DOCK7: variants seen among roughly 807,000 people sequenced by gnomAD.
DOCK7 encodes dedicator of cytokinesis 7, also known as dedicator of cytokinesis protein 7.
DOCK7 carries 138 observed loss-of-function variants against 271.0 expected under a neutral mutation model. The observed-to-expected ratio is 0.51, with a 90% CI of 0.44 to 0.59. DOCK7 has a LOEUF of 0.59. DOCK7 is among the 20% of genes least tolerant of loss of function. The probability of loss-of-function intolerance (pLI) is 0.00; values close to 1 mark genes in which losing one functional copy is unlikely to be tolerated. For missense variants in DOCK7, 2,066 were observed against 2,592.4 expected (o/e 0.80, Z 4.41); for synonymous variants, 823 against 876.1 (o/e 0.94, Z 1.07).
intron 48 of DOCK7, chr1:62,458,560 TCTCA>T (rs1645419573): frequency 1.4e-5 from 2 of 142,138 alleles, no homozygotes; most frequent in East Asian, 2.1e-4. Flanking sequence ...TGAGATGGAG[TCTCA>T]CTCTGTAGCG....
chr1:62,621,141 G>A (rs892557458), intron 12 of DOCK7, among the ~76,000 whole-genome samples: 2 of 151,816 alleles, frequency 1.3e-5, no homozygotes, highest in African/African-American at 4.8e-5. Flanking sequence ...GAAGAGAGAG[G>A]AAGAAGAGGG....
intron 11 of DOCK7, chr1:62,628,258 C>G (rs1219992204): frequency 6.6e-6 from 1 of 152,298 alleles, no homozygotes; most frequent in Non-Finnish European, 1.5e-5. Flanking sequence ...AGCTCAGCTG[C>G]TGCTCACCTA....
intron 28 of DOCK7, among the ~76,000 whole-genome samples, chr1:62,537,125 T>C (rs1645369710): frequency 6.6e-6 from 1 of 152,204 alleles, no homozygotes; most frequent in South Asian, 2.1e-4. Context: ...CCACTTCCTT[T>C]CACAGGTATT....
chr1:62,523,957 C>T (rs903841190), intron 31 of DOCK7, among the ~76,000 whole-genome samples: 2 of 152,044 alleles, frequency 1.3e-5, no homozygotes, highest in African/African-American at 4.8e-5. Context: ...CAGCAAGCCA[C>T]AGAGAAGAAA....
chr1:62,636,614 A>G lies in DOCK7; in HGVS notation c.819-11T>C. The G allele has an allele frequency of 6.4e-7, 1 of 1,571,314 alleles. No individual in the cohort carries two copies. The highest frequency in any genetic ancestry group is 1.2e-5 in the South Asian group (1 of 86,322). On this transcript the variant is annotated splice_polypyrimidine_tract_variant and intron_variant, in intron 7 of 49. Coordinates refer to ENST00000635253, the MANE Select transcript of DOCK7 (RefSeq NM_001367561.1). ...ATTTCAATTTCAAACCTTTATGAAG[A>G]AAAAGGATAAAATAATTTAAAGATA...
At chr1:62,573,272 C>T (rs1250003424) in intron 18 of DOCK7, among the ~76,000 whole-genome samples, 1 of 152,002 alleles carries the variant, frequency 6.6e-6, no homozygotes, top group Non-Finnish European at 1.5e-5. Flanking sequence ...GCTGTCAGTG[C>T]AGAGAGAAAG....
At chr1:62,670,459 ACT>A (rs769166732) in intron 1 of DOCK7, among the ~76,000 whole-genome samples, 15 of 152,032 alleles carry the variant, frequency 9.9e-5, no homozygotes, top group African/African-American at 2.2e-4. Flanking sequence ...ACCAATCGAC[ACT>A]CTGTATCTAG....
At chr1:62,552,011 A>T (rs766150669) in intron 22 of DOCK7, among the ~76,000 whole-genome samples, 1 of 152,070 alleles carries the variant, frequency 6.6e-6, no homozygotes, top group Non-Finnish European at 1.5e-5. Flanking sequence ...ACCTTAAGGA[A>T]ATGCTGTCTA....
At position 62,514,794 on chromosome 1, in the gene DOCK7, C is replaced by T. The variant is rs115495354; in HGVS notation, c.3937-896G>A. On this transcript the variant is annotated intron_variant, in intron 31 of 49. Transcript: ENST00000635253. The stretch of plus-strand genomic sequence containing the variant: ...AGTTTACAGGCAAGAAAACTGAAGG[C>T]TAGAGAGTAATTTGCCTTACTATAC... Among the ~76,000 whole-genome samples the T allele has an allele frequency of 4.8e-3, 736 of 152,060 alleles. 7 individuals carry two copies. Among genetic ancestry groups the T allele is most frequent in the African/African-American group, 0.017 (693 of 41,506 alleles).
At chr1:62,657,690 A>G (rs1426566375) in intron 2 of DOCK7, among the ~76,000 whole-genome samples, 4 of 152,206 alleles carry the variant, frequency 2.6e-5, no homozygotes, top group Admixed American at 2.6e-4. Flanking sequence ...AACTCTCTGT[A>G]AAGAAACAAA....
chr1:62,472,255 C>G (rs146838854), intron 48 of DOCK7, among the ~76,000 whole-genome samples: 3 of 152,218 alleles, frequency 2.0e-5, no homozygotes, highest in Non-Finnish European at 4.4e-5. Context: ...CATGCGCCCA[C>G]CACCATGCTC....
chr1:62,547,333 TATA>T (rs1241362485), intron 22 of DOCK7, among the ~76,000 whole-genome samples: 1 of 152,224 alleles, frequency 6.6e-6, no homozygotes, highest in Non-Finnish European at 1.5e-5. Context: ...TTATATTTAA[TATA>T]ATAACTTTAT....
intron 48 of DOCK7, among the ~76,000 whole-genome samples, chr1:62,462,569 C>G (rs1325162535): frequency 6.6e-6 from 1 of 152,152 alleles, no homozygotes; most frequent in African/African-American, 2.4e-5. Flanking sequence ...ACACAGCAAA[C>G]CAGACTTTCA....
chr1:62,478,944 TA>T (rs1335800299), intron 43 of DOCK7: 1 of 152,070 alleles, frequency 6.6e-6, no homozygotes, highest in Non-Finnish European at 1.5e-5. Context: ...TCAATAAAGA[TA>T]AATATTTGGA....
chr1:62,510,524 C>T lies in DOCK7; in HGVS notation c.4379+53G>A, dbSNP rs910556923. 10 of 1,352,002 alleles carry T rather than the reference C, an allele frequency of 7.4e-6. No homozygotes were observed. The African/African-American group carries it at 1.3e-4, about 18-fold the overall frequency. The allele number at this position is 1,352,002 out of a possible 1,614,324, so 83.8% of individuals were successfully genotyped here. Reference sequence around the variant, plus strand: ...AGTAAAAGTTATCATTTTCCTCTTACATTTTAAAATTCAACACACCCATCA... The same window carrying T: ...AGTAAAAGTTATCATTTTCCTCTTATATTTTAAAATTCAACACACCCATCA... On this transcript the variant is annotated intron_variant, in intron 34 of 49. Transcript: ENST00000635253.
intron 48 of DOCK7, chr1:62,458,156 G>GTGT (rs1645401754): frequency 6.5e-6 from 1 of 152,934 alleles, no homozygotes. Context: ...CTCAAACGTG[G>GTGT]GTGTGTGTGT....
At chr1:62,663,366 G>A (rs879328347) in intron 1 of DOCK7, among the ~76,000 whole-genome samples, 4 of 152,010 alleles carry the variant, frequency 2.6e-5, no homozygotes, top group African/African-American at 9.7e-5. Context: ...CCCATATGAG[G>A]TTTTTTCTTA....
chr1:62,562,668 T>G (rs1280553055), intron 18 of DOCK7, among the ~76,000 whole-genome samples: 1 of 151,494 alleles, frequency 6.6e-6, no homozygotes, highest in Non-Finnish European at 1.5e-5. Flanking sequence ...GACTGAAAGG[T>G]AGAGAGAAAA....
Position 62,663,144 on chromosome 1 carries a change from A to G in DOCK7, c.39-14T>C. 1 of 1,589,586 alleles carries G rather than the reference A, an allele frequency of 6.3e-7. No individual in the cohort carries two copies. Among genetic ancestry groups the G allele is most frequent in the Non-Finnish European group, 8.6e-7 (1 of 1,164,540 alleles). On this transcript the variant is annotated splice_polypyrimidine_tract_variant and intron_variant, in intron 1 of 49. Coordinates refer to ENST00000635253, the MANE Select transcript of DOCK7 (RefSeq NM_001367561.1). Reference sequence around the variant, plus strand: ...GCTGCCACCGTTCTACAATGAAGAAAGCAAAAACATACGCATTATTGAAAA... The same window carrying G: ...GCTGCCACCGTTCTACAATGAAGAAGGCAAAAACATACGCATTATTGAAAA...
Sources: gnomAD v4.1 joint callset for allele counts (sites outside exome capture counted in the v4.1 genomes callset) on GRCh38, gnomAD v4.1.1 for gene constraint, MANE v1.5 for transcripts, NCBI Gene and HGNC (gene_info 2026-07-23, HGNC 2026-07-21) for gene names.